The following DUS1L variants were observed in gnomAD, a reference collection of about 807,000 sequenced individuals.
DUS1L encodes the protein dihydrouridine synthase 1 like.
A neutral mutation model predicts 61.2 loss-of-function variants in DUS1L; 56 were observed. The observed-to-expected ratio is 0.92, with a 90% CI of 0.74 to 1.14. The LOEUF (loss-of-function observed/expected upper bound fraction) is 1.14. DUS1L is among the 50% of genes most tolerant of loss of function. The pLI is 0.00. For synonymous variants in DUS1L, 278 were observed against 259.5 expected (o/e 1.07, Z -0.69); for missense variants, 630 against 632.4 (o/e 1.00, Z 0.04).
At chr17:82,061,461 A>G in intron 7 of DUS1L, 108 bp from the exon 8 acceptor site, 1 of 1,482,212 alleles carries the variant, frequency 6.7e-7, no homozygotes, top group Non-Finnish European at 9.1e-7. Context: ...CACAAGGGAC[A>G]AGGCCAGCTC....
rs1182102338 is a variant in DUS1L, at chr17:82,061,900, C to T, written c.593+1G>A. 1 of 1,607,476 alleles carries T rather than the reference C, an allele frequency of 6.2e-7. No homozygotes were observed. Among genetic ancestry groups the T allele is most frequent in the Non-Finnish European group, 8.5e-7 (1 of 1,176,710 alleles). On this transcript the variant is annotated splice_donor_variant, in intron 6 of 13. Transcript: ENST00000306796. LOFTEE classifies it high-confidence loss of function. ...GGGCTGTGTCACCCACACCCACTCA[C>T]CGCACAGCCTTGATATGCTCCCAGG...
chr17:82,064,969 C>G lies in DUS1L; in HGVS notation c.91G>C (p.Ala31Pro), dbSNP rs1209042944. The change falls in exon 2 of 14, where the codon GCC becomes CCC. Residue 31 changes from alanine (A) to proline (P), a missense_variant. Transcript: ENST00000306796. ...TGGCGCCGGCTCAGCAGCCTCCAGG[C>G]CAGCTCGCTCTGGTCCACCATGGGG... ...VAPMVDQSEL[A>P]WRLLSRRHGA... is the part of the protein sequence containing the mutation. 6.2e-7 allele frequency: 1 copy of G among 1,612,228 alleles called. No individual in the cohort carries two copies. Among genetic ancestry groups the G allele is most frequent in the Non-Finnish European group, 8.5e-7 (1 of 1,179,730 alleles).
intron 2 of DUS1L, among the ~76,000 whole-genome samples, chr17:82,064,510 G>A (rs1476794190): frequency 3.3e-5 from 5 of 152,258 alleles, no homozygotes; most frequent in African/African-American, 1.2e-4. Context: ...GGGAGTGTGA[G>A]TGTGAGAGGC....
chr17:82,058,559 T>C (rs1218553110), intron 12 of DUS1L, 143 bp from the exon 13 acceptor site: 1 of 1,450,166 alleles, frequency 6.9e-7, no homozygotes, highest in African/African-American at 1.4e-5. Flanking sequence ...CCAAGCCAGA[T>C]GCCTCTCCCT....
rs1447726398 is a variant in DUS1L at position 82,064,235 on chromosome 17, C to G, written c.238-1G>C. On this transcript the variant is annotated splice_acceptor_variant, in intron 2 of 13. Transcript: ENST00000306796. LOFTEE classifies it high-confidence loss of function. ...ACACCTCCGGGTCATTGGCACAGAACTGGAGAAGATGCAGGAGTCAGCCAC... is the reference window on the plus strand; with the variant it reads ...ACACCTCCGGGTCATTGGCACAGAAGTGGAGAAGATGCAGGAGTCAGCCAC... 2.5e-6 allele frequency: 4 copies of G among 1,610,568 alleles called. No individual in the cohort carries two copies. Among genetic ancestry groups the G allele is most frequent in the Non-Finnish European group, 2.5e-6 (3 of 1,179,508 alleles).
In DUS1L at chr17:82,058,836, G is replaced by T. The variant is rs763243999; in HGVS notation, c.1169-18C>A. 1.6e-5 allele frequency: 25 copies of T among 1,609,552 alleles called. No homozygotes were observed. The highest frequency in any genetic ancestry group is 2.0e-5 in the Non-Finnish European group (23 of 1,176,802). On this transcript the variant is annotated intron_variant, in intron 11 of 13. Transcript: ENST00000306796. ...ATATTTTGCTAGGAAAAGAACAAAA[G>T]GGTGCTGGTGAGTGAGGGCCAGGGT...
In DUS1L at chr17:82,064,085, G is replaced by A. The variant is rs772281290; in HGVS notation, c.346+41C>T. ...CTGGGGCTGCACTGAGCTGGCTCTG[G>A]CCCCTGCCCCAGGTGCCCCCATGCT... On this transcript the variant is annotated intron_variant, in intron 3 of 13. Transcript: ENST00000306796. 4.5e-6 allele frequency: 7 copies of A among 1,569,880 alleles called. No individual in the cohort carries two copies. In the East Asian group the frequency reaches 1.1e-4, roughly 25 times the overall value.
At position 82,062,881 on chromosome 17, in the gene DUS1L, G is replaced by T. The variant is rs754755127; in HGVS notation, c.490C>A (p.Leu164Met). ...IDKTVRYAQMLEKAGCQLLTV... is the reference protein window; with the variant it reads ...IDKTVRYAQMMEKAGCQLLTV... Reference sequence around the variant, plus strand: ...CTCACCTGGCAGCCGGCCTTCTCCAGCATCTGGGCGTACCTCACGGTCTTG... The same window carrying T: ...CTCACCTGGCAGCCGGCCTTCTCCATCATCTGGGCGTACCTCACGGTCTTG... Residue 164 changes from leucine to methionine, a missense_variant, in exon 5 of 14, where the codon CTG becomes ATG. Coordinates refer to ENST00000306796, the MANE Select transcript of DUS1L (RefSeq NM_022156.5). The T allele has an allele frequency of 6.2e-7, 1 of 1,612,862 alleles. No individual in the cohort carries two copies. Among genetic ancestry groups the T allele is most frequent in the East Asian group, 2.2e-5 (1 of 44,884 alleles).
chr17:82,062,003 G>A lies in DUS1L; in HGVS notation c.511-20C>T, dbSNP rs754209545. ...CAGCAACTAGGACAGAGCAGTGGTC[G>A]CTTGACCCCTCCAAGCCCCTTCCGC... On this transcript the variant is annotated intron_variant, in intron 5 of 13. Transcript: ENST00000306796. The A allele has an allele frequency of 1.7e-5, 26 of 1,572,062 alleles. No individual in the cohort carries two copies. The highest frequency in any genetic ancestry group is 1.3e-4 in the South Asian group (11 of 86,548).
chr17:82,064,724 G>C lies in DUS1L; in HGVS notation c.237+99C>G, dbSNP rs2033684212. On this transcript the variant is annotated intron_variant, in intron 2 of 13. Transcript: ENST00000306796. ...CTGGAATTGAGCTGTCTCTGGAAAGGCTGAAAGTGATGTCCCGCCACAGAG... is the reference window on the plus strand; with the variant it reads ...CTGGAATTGAGCTGTCTCTGGAAAGCCTGAAAGTGATGTCCCGCCACAGAG... 8 of 1,252,154 alleles carry C rather than the reference G, an allele frequency of 6.4e-6. No homozygotes were observed. In the Admixed American group the frequency reaches 6.9e-5, roughly 11 times the overall value. The allele number at this position is 1,252,154 out of a possible 1,614,324, so 77.6% of individuals were successfully genotyped here. A position where few individuals can be genotyped will look rare whatever the true frequency, so the allele number is the denominator to read the frequency against.
chr17:82,061,269 C>T lies in DUS1L; in HGVS notation c.782G>A (p.Arg261Gln), dbSNP rs762164701. 4.0e-5 allele frequency: 65 copies of T among 1,611,128 alleles called. No homozygotes were observed. Among genetic ancestry groups the T allele is most frequent in the Admixed American group, 1.8e-4 (11 of 59,882 alleles). ...ELAEEYLDIV[R>Q]EHPCPLSYVR... Reference sequence around the variant, plus strand: ...GTAGGACAGGGGGCAGGGGTGCTCCCGCACGATGTCCAGATACTCCTCGGC... The same window carrying T: ...GTAGGACAGGGGGCAGGGGTGCTCCTGCACGATGTCCAGATACTCCTCGGC... The change falls in exon 8 of 14, where the codon CGG becomes CAG. Residue 261 changes from arginine to glutamine, a missense_variant. By Grantham distance (43) the Arg-to-Gln change is conservative. Transcript: ENST00000306796.
chr17:82,060,625 A>G, intron 10 of DUS1L, 76 bp downstream of exon 10: 1 of 1,529,212 alleles, frequency 6.5e-7, no homozygotes, highest in African/African-American at 1.4e-5. Context: ...CAAGCAGGGC[A>G]GGCGCAGCAC....
Position 82,062,943 on chromosome 17 carries a change from G to A in DUS1L, c.428C>T (p.Pro143Leu). Residue 143 changes from proline to leucine, a missense_variant, in exon 5 of 14, where the codon CCT (proline) becomes CTT (leucine). Coordinates refer to ENST00000306796, the MANE Select transcript of DUS1L (RefSeq NM_022156.5). Reference protein sequence around the residue: ...ILLAHEKLSVPVTCKIRVFPE... With the variant: ...ILLAHEKLSVLVTCKIRVFPE... The stretch of plus-strand genomic sequence containing the variant: ...GAAGACACGGATTTTGCACGTGACA[G>A]GAACAGAGAGTTTCTCGTGGGCCAG... The A allele has an allele frequency of 6.2e-7, 1 of 1,613,056 alleles. No homozygotes were observed. The highest frequency in any genetic ancestry group is 8.5e-7 in the Non-Finnish European group (1 of 1,179,942).
intron 2 of DUS1L, 25 bp from the exon 3 acceptor site, chr17:82,064,259 A>G: frequency 1.3e-6 from 2 of 1,599,454 alleles, no homozygotes; most frequent in Non-Finnish European, 8.5e-7. Flanking sequence ...GGAGTCAGCC[A>G]CGGGCCCAGC....
chr17:82,063,325 T>G, intron 4 of DUS1L, 143 bp downstream of exon 4: 1 of 1,130,500 alleles, frequency 8.8e-7, no homozygotes, highest in Non-Finnish European at 1.3e-6. Flanking sequence ...GCAGAGAGGC[T>G]GCTGTGGGCA....
rs750697176 is a variant in DUS1L, at chr17:82,058,048, A to G, written c.*67T>C. Reference sequence around the variant, plus strand: ...AGTAGCAGGAGATTCCCTGAGTAAAAGGCATTTTCTTAAGTAGGACGTGTC... The same window carrying G: ...AGTAGCAGGAGATTCCCTGAGTAAAGGGCATTTTCTTAAGTAGGACGTGTC... On this transcript the variant is annotated 3_prime_UTR_variant, in exon 14 of 14. Coordinates refer to ENST00000306796, the MANE Select transcript of DUS1L (RefSeq NM_022156.5). 3 of 1,447,862 alleles carry G rather than the reference A, an allele frequency of 2.1e-6. No individual in the cohort carries two copies. In the Admixed American group the frequency reaches 7.5e-5, roughly 36 times the overall value. 89.7% of individuals were successfully genotyped at this position (1,447,862 alleles called of 1,614,324 possible).
At chr17:82,065,299 G>C (rs1013691696) in intron 1 of DUS1L, 35 of 504,328 alleles carry the variant, frequency 6.9e-5, no homozygotes, top group Admixed American at 1.5e-4. Context: ...ACCCTCCCTG[G>C]GGAGCGGGAC....
At position 82,059,290 on chromosome 17, in the gene DUS1L, A is replaced by G. The variant is rs1260983558; in HGVS notation, c.1169-472T>C. On this transcript the variant is annotated intron_variant, in intron 11 of 13. Coordinates refer to ENST00000306796, the MANE Select transcript of DUS1L (RefSeq NM_022156.5). Reference sequence around the variant, plus strand: ...CCTGGTGGGGGGCAGTGTGGCAGGCAGGGACTGCTGGCACCAGCCTGATGT... The same window carrying G: ...CCTGGTGGGGGGCAGTGTGGCAGGCGGGGACTGCTGGCACCAGCCTGATGT... 7 of 188,050 alleles carry G rather than the reference A, an allele frequency of 3.7e-5. No homozygotes were observed. The East Asian group carries it at 9.0e-4, about 24-fold the overall frequency. The allele number at this position is 188,050 out of a possible 1,614,324, so 11.6% of individuals were successfully genotyped here.
chr17:82,059,022 G>T (rs1437287522), intron 11 of DUS1L: 1 of 595,016 alleles, frequency 1.7e-6, no homozygotes, highest in African/African-American at 1.9e-5. Context: ...GGATGCAGGG[G>T]GCACCATCCT....
Sources: gnomAD v4.1 joint callset for allele counts (sites outside exome capture counted in the v4.1 genomes callset) on GRCh38, gnomAD v4.1.1 for gene constraint, MANE v1.5 for transcripts, NCBI Gene and HGNC (gene_info 2026-07-23, HGNC 2026-07-21) for gene names.